Variants in RYR1 observed in about 807,000 individuals in gnomAD.
The protein encoded by RYR1 is ryanodine receptor 1.
In RYR1, 342 loss-of-function variants were observed where a neutral mutation model predicts 583.5. That is an observed-to-expected ratio of 0.59 (90% CI 0.54 to 0.64). RYR1 has a LOEUF of 0.64. Among genes scored for constraint, RYR1 ranks in the 30% least tolerant of loss-of-function variants. The pLI is 0.00. For synonymous variants in RYR1, 2,791 were observed against 2,822.5 expected, an observed-to-expected ratio of 0.99 and a Z score of 0.35; for missense variants, 6,032 against 6,917.2, an observed-to-expected ratio of 0.87 and a Z score of 4.54.
Position 38,585,928 on chromosome 19 carries a change from G to A in RYR1, c.14804-10G>A. 6.2e-7 allele frequency: 1 copy of A among 1,614,016 alleles called. No individual in the cohort carries two copies. Among genetic ancestry groups the A allele is most frequent in the Non-Finnish European group, 8.5e-7 (1 of 1,180,000 alleles). ...GAGGTCGGGCACTGACTTGTGTCCT[G>A]CCACCCCAGGTCTGATCATCGACGC... On this transcript the variant is annotated splice_polypyrimidine_tract_variant and intron_variant, in intron 102 of 105. Coordinates refer to ENST00000359596, the MANE Select transcript of RYR1 (RefSeq NM_000540.3).
rs1183274774 is a variant in RYR1, at chr19:38,543,540, C to T, written c.11787C>T (p.Ile3929=). 1 of 1,610,904 alleles carries T rather than the reference C, an allele frequency of 6.2e-7. No individual in the cohort carries two copies. Among genetic ancestry groups the T allele is most frequent in the Non-Finnish European group, 8.5e-7 (1 of 1,178,168 alleles). The part of the protein sequence containing the change: ...VDYLLRLQES[I]SDFYWYYSGK... Reference sequence around the variant, plus strand: ...CTACCCGCCCCCACCAGGAATCCATCAGCGACTTCTACTGGTACTACTCGG... The same window carrying T: ...CTACCCGCCCCCACCAGGAATCCATTAGCGACTTCTACTGGTACTACTCGG... Residue 3929 remains isoleucine, a synonymous_variant, in exon 86 of 106, where the codon ATC becomes ATT. Transcript: ENST00000359596. This position sits in a 1 kb window ranked among gnomAD's most constrained non-coding sequence, Gnocchi z 4.4.
intron 63 of RYR1, among the ~76,000 whole-genome samples, chr19:38,514,782 T>G (rs926357734): frequency 6.6e-6 from 1 of 151,994 alleles, no homozygotes; most frequent in African/African-American, 2.4e-5. Context: ...AAGTAGTAAC[T>G]CATTTGATAC....
Position 38,453,023 on chromosome 19 carries a change from G to A in RYR1, c.1440+9G>A, listed in dbSNP as rs763411899. ...GCCTCTTCCAGGAGGAGGTGAGGAC[G>A]TGGCGAGGGCGGAGCGGGGCCTGTG... On this transcript the variant is annotated intron_variant, in intron 13 of 105. Transcript: ENST00000359596. The A allele has an allele frequency of 3.7e-6, 6 of 1,613,180 alleles. No homozygotes were observed. In the Admixed American group the frequency reaches 5.0e-5, roughly 13 times the overall value.
In RYR1 at chr19:38,578,268, A is replaced by G. The variant is rs1170420932; in HGVS notation, c.14364+64A>G. On this transcript the variant is annotated intron_variant, in intron 99 of 105. Transcript: ENST00000359596. The stretch of plus-strand genomic sequence containing the variant: ...GGGTGGGGCGTTAGGAGGGTTCCCA[A>G]CGTCGGGTGTTCCTGACCAAAGAAT... 2.6e-6 allele frequency: 4 copies of G among 1,543,418 alleles called. No homozygotes were observed. The Admixed American group carries it at 5.5e-5, about 21-fold the overall frequency.
intron 65 of RYR1, 37 bp from the exon 66 acceptor site, chr19:38,517,322 T>C: frequency 6.2e-7 from 1 of 1,603,844 alleles, no homozygotes; most frequent in Non-Finnish European, 8.5e-7. Flanking sequence ...CTGGGGGTGA[T>C]GGCTTGACAT....
chr19:38,508,819 G>A (rs1970597421), intron 58 of RYR1, among the ~76,000 whole-genome samples: 1 of 152,138 alleles, frequency 6.6e-6, no homozygotes, highest in Non-Finnish European at 1.5e-5. Flanking sequence ...GGAATGAGAT[G>A]GAGTTGGGGG....
chr19:38,523,795 A>G (rs2145705315), intron 69 of RYR1, 120 bp from the exon 70 acceptor site: 1 of 1,324,002 alleles, frequency 7.6e-7, no homozygotes, highest in Non-Finnish European at 1.1e-6. Flanking sequence ...ATGCCCAGCT[A>G]GAGAATACAT....
chr19:38,447,531 A>G (rs1019095284), intron 9 of RYR1, among the ~76,000 whole-genome samples: 74 of 131,972 alleles, frequency 5.6e-4, no homozygotes, highest in African/African-American at 2.0e-3. Context: ...ACAGAGCGAG[A>G]CTCCATCTCA....
intron 93 of RYR1, among the ~76,000 whole-genome samples, chr19:38,568,600 A>G (rs1395257272): frequency 6.6e-6 from 1 of 151,550 alleles, no homozygotes; most frequent in African/African-American, 2.4e-5. Flanking sequence ...AAAAAAAAAA[A>G]AATTAGCCAG....
rs775479195 is a variant in RYR1, at chr19:38,504,772, A to G, written c.8092A>G (p.Met2698Val). Residue 2698 changes from methionine to valine, a missense_variant, in exon 51 of 106, where the codon ATG becomes GTG. Transcript: ENST00000359596. ...HKKYDPELYR[M>V]AMPCLCAIAG... ...GAAATACGACCCGGAGCTGTACCGC[A>G]TGGCCATGCCTTGTCTGTGCGCCAT... is the stretch of plus-strand genomic sequence containing the variant. 1.9e-5 allele frequency: 31 copies of G among 1,614,008 alleles called. No homozygotes were observed. Among genetic ancestry groups the G allele is most frequent in the Middle Eastern group, 1.6e-4 (1 of 6,084 alleles).
intron 89 of RYR1, among the ~76,000 whole-genome samples, chr19:38,553,292 G>A (rs1269248204): frequency 6.8e-6 from 1 of 146,118 alleles, no homozygotes; most frequent in Non-Finnish European, 1.5e-5. Flanking sequence ...CTGAGATCAC[G>A]CCACTGCACT....
intron 99 of RYR1, among the ~76,000 whole-genome samples, chr19:38,578,883 A>G (rs1974074655): frequency 6.7e-6 from 1 of 150,322 alleles, no homozygotes; most frequent in Admixed American, 6.6e-5. Context: ...AGGCGGAGGC[A>G]GAGGTTTGCT....
Position 38,546,475 on chromosome 19 carries a change from C to T in RYR1, c.12043C>T (p.Leu4015=). ...AAGCCAGATCGAGCTGCTGAAGGAG[C>T]TGCTGGATCTGCAGAAGGACATGGT... The part of the protein sequence containing the change: ...DSSQIELLKE[L]LDLQKDMVVM... Residue 4015 remains leucine, a synonymous_variant, in exon 88 of 106, where the codon CTG becomes TTG. Transcript: ENST00000359596. The T allele has an allele frequency of 6.2e-7, 1 of 1,613,820 alleles. No homozygotes were observed. Among genetic ancestry groups the T allele is most frequent in the South Asian group, 1.1e-5 (1 of 91,066 alleles).
At chr19:38,559,315 C>G (rs1486124173) in intron 89 of RYR1, among the ~76,000 whole-genome samples, 1 of 144,662 alleles carries the variant, frequency 6.9e-6, no homozygotes, top group African/African-American at 2.5e-5. Flanking sequence ...CTCACTGCAA[C>G]ATCCGCCTCC....
rs1391872549 is a variant in RYR1, at chr19:38,443,745, T to C, written c.373T>C (p.Ser125Pro). The change falls in exon 5 of 106, where the codon TCC becomes CCC. Residue 125 changes from serine (S) to proline (P), a missense_variant. By Grantham distance (74) the Ser-to-Pro change is moderately conservative. Around this residue, in one of 11 missense-constraint regions of RYR1, gnomAD observed 338 missense variants for 441.6 expected, o/e 0.77. Transcript: ENST00000359596. ...TCTGAGCTGCCTCACCACCTCCCGC[T>C]CCATGACTGACAAGCTGGCCTTCGA... ...MYLSCLTTSRSMTDKLAFDVG... is the reference protein window; with the variant it reads ...MYLSCLTTSRPMTDKLAFDVG... 1.9e-6 allele frequency: 3 copies of C among 1,613,906 alleles called. No individual in the cohort carries two copies. The highest frequency in any genetic ancestry group is 2.5e-6 in the Non-Finnish European group (3 of 1,179,988).
intron 18 of RYR1, among the ~76,000 whole-genome samples, chr19:38,458,920 C>G (rs1967578173): frequency 1.3e-5 from 2 of 152,190 alleles, no homozygotes; most frequent in Non-Finnish European, 2.9e-5. Context: ...CATCCGGCCC[C>G]CAGGAGGATT....
chr19:38,496,386 C>G lies in RYR1; in HGVS notation c.6664-23C>G. The G allele has an allele frequency of 6.2e-7, 1 of 1,613,748 alleles. No individual in the cohort carries two copies. The highest frequency in any genetic ancestry group is 8.5e-7 in the Non-Finnish European group (1 of 1,180,014). On this transcript the variant is annotated intron_variant, in intron 40 of 105. Coordinates refer to ENST00000359596, the MANE Select transcript of RYR1 (RefSeq NM_000540.3). This position sits in a 1 kb window ranked among gnomAD's most constrained non-coding sequence, Gnocchi z 4.8. ...GGGGAGGCAGCCACAGAGGGCAGGCCCTGACCACCCTGCCTGTCCCAGGAG... is the reference window on the plus strand; with the variant it reads ...GGGGAGGCAGCCACAGAGGGCAGGCGCTGACCACCCTGCCTGTCCCAGGAG...
Position 38,561,218 on chromosome 19 carries a change from C to A in RYR1, c.12388C>A (p.Arg4130Ser). ...GATCAACTGCGAAGAGTTCGCCAAC[C>A]GCTTCCAGGAGCCAGCACGCGACAT... ...EMINCEEFAN[R>S]FQEPARDIGF... Residue 4130 changes from arginine (R) to serine (S), a missense_variant, in exon 90 of 106, where the codon CGC becomes AGC. Arg to Ser is a moderately radical substitution (Grantham distance 110, BLOSUM62 -1). This residue lies in a region of RYR1 where 753 missense variants were observed against 759.6 expected (regional missense o/e 0.99). Coordinates refer to ENST00000359596, the MANE Select transcript of RYR1 (RefSeq NM_000540.3). The surrounding 1 kb of genome is among the most constrained non-coding windows in gnomAD (Gnocchi z 4.8). 1 of 1,614,138 alleles carries A rather than the reference C, an allele frequency of 6.2e-7. No homozygotes were observed. Among genetic ancestry groups the A allele is most frequent in the Non-Finnish European group, 8.5e-7 (1 of 1,180,034 alleles).
intron 31 of RYR1, 102 bp downstream of exon 31, chr19:38,478,702 A>C (rs1968869239): frequency 1.5e-6 from 2 of 1,376,776 alleles, no homozygotes; most frequent in African/African-American, 2.8e-5. Context: ...GATGGAACAA[A>C]AACAGCTCCT....
Sources: gnomAD v4.1 joint callset for allele counts (sites outside exome capture counted in the v4.1 genomes callset) on GRCh38, gnomAD v4.1.1 for gene constraint, gnomAD v4.1.1 regional missense constraint, Gnocchi (gnomAD v3.1) non-coding constraint, MANE v1.5 for transcripts, NCBI Gene and HGNC (gene_info 2026-07-23, HGNC 2026-07-21) for gene names.